VPS13C: variants seen among roughly 807,000 people sequenced by gnomAD.
The protein encoded by VPS13C is vacuolar protein sorting 13 homolog C.
VPS13C carries 358 observed loss-of-function variants against 456.8 expected under a neutral mutation model. That is an observed-to-expected ratio of 0.78 (90% CI 0.72 to 0.86). The LOEUF (loss-of-function observed/expected upper bound fraction) is 0.86, where lower values mean the gene tolerates loss of function less well. Among genes scored for constraint, VPS13C ranks in the 40% least tolerant of loss-of-function variants. The pLI, the probability that VPS13C is intolerant of heterozygous loss-of-function variation, is 0.00. For synonymous variants in VPS13C, 1,578 were observed against 1,486.7 expected, an observed-to-expected ratio of 1.06 and a Z score of -1.41; for missense variants, 4,818 against 4,385.4, an observed-to-expected ratio of 1.10 and a Z score of -2.79.
intron 53 of VPS13C, among the ~76,000 whole-genome samples, chr15:61,923,768 C>A (rs547864361): frequency 6.7e-6 from 1 of 149,090 alleles, no homozygotes; most frequent in East Asian, 2.0e-4. Context: ...ACTTTTTTTC[C>A]GTGTCTTATT....
At chr15:61,913,451 C>G in intron 61 of VPS13C, 36 bp from the exon 62 acceptor site, 1 of 1,533,736 alleles carries the variant, frequency 6.5e-7, no homozygotes, top group Non-Finnish European at 9.0e-7. Context: ...TATAAGAAAT[C>G]TAAAACACTA....
At chr15:61,965,598 C>T (rs1358349950) in intron 30 of VPS13C, among the ~76,000 whole-genome samples, 2 of 151,852 alleles carry the variant, frequency 1.3e-5, no homozygotes, top group Non-Finnish European at 1.5e-5. Context: ...CAGATTTCCC[C>T]ATCTCTCAAA....
At position 61,979,229 on chromosome 15, in the gene VPS13C, T is replaced by C. The variant is rs545690147; in HGVS notation, c.2167-480A>G. ...GGAAGCAAGGATCAATTCAGGAGTA[T>C]ACAAGGGATCTTCAAAAAGTTGATG... is the stretch of plus-strand genomic sequence containing the variant. On this transcript the variant is annotated intron_variant, in intron 22 of 84. Transcript: ENST00000644861. Among the ~76,000 whole-genome samples, 5 of 152,348 alleles carry C rather than the reference T, an allele frequency of 3.3e-5. No individual in the cohort carries two copies. In the South Asian group the frequency reaches 6.2e-4, roughly 19 times the overall value.
chr15:61,909,285 G>T (rs1013841013), intron 64 of VPS13C, among the ~76,000 whole-genome samples, 160 bp from the exon 65 acceptor site: 1 of 152,142 alleles, frequency 6.6e-6, no homozygotes, highest in Non-Finnish European at 1.5e-5. Flanking sequence ...TCGGGTTACT[G>T]CAACCTCCAT....
intron 42 of VPS13C, among the ~76,000 whole-genome samples, 170 bp from the exon 43 acceptor site, chr15:61,947,479 C>T (rs1405668860): frequency 6.6e-6 from 1 of 152,132 alleles, no homozygotes; most frequent in East Asian, 1.9e-4. Context: ...TATCAAATTC[C>T]AATCTACAAA....
intron 67 of VPS13C, among the ~76,000 whole-genome samples, chr15:61,888,922 C>A (rs1291507187): frequency 1.3e-5 from 2 of 151,942 alleles, no homozygotes; most frequent in African/African-American, 2.4e-5. Context: ...AACAAATGTA[C>A]CACACTACTG....
rs1412348234 is a variant in VPS13C at position 62,020,416 on chromosome 15, C to G, written c.684+63G>C. 6.4e-6 allele frequency: 9 copies of G among 1,403,566 alleles called. No homozygotes were observed. The East Asian group carries it at 1.9e-4, about 30-fold the overall frequency. The allele number at this position is 1,403,566 out of a possible 1,614,324, so 86.9% of individuals were successfully genotyped here. A position where few individuals can be genotyped will look rare whatever the true frequency, so the allele number is the denominator to read the frequency against. On this transcript the variant is annotated intron_variant, in intron 9 of 84. Transcript: ENST00000644861. ...CGCATAGTTGATTCTAGACAATTTACCCTGTGACTTCAGAATAATACTTTA... is the reference window on the plus strand; with the variant it reads ...CGCATAGTTGATTCTAGACAATTTAGCCTGTGACTTCAGAATAATACTTTA...
intron 13 of VPS13C, among the ~76,000 whole-genome samples, chr15:62,009,711 C>T (rs1427187022): frequency 6.6e-6 from 1 of 152,154 alleles, no homozygotes; most frequent in African/African-American, 2.4e-5. Context: ...TTAGCTAAAT[C>T]TCCTGTCCTC....
At chr15:61,856,510 G>C in intron 82 of VPS13C, 101 bp from the exon 83 acceptor site, 1 of 1,383,554 alleles carries the variant, frequency 7.2e-7, no homozygotes, top group Non-Finnish European at 9.8e-7. Flanking sequence ...CACTTGCTTA[G>C]TAAACAATAT....
Position 61,907,381 on chromosome 15 carries a change from T to A in VPS13C, c.8988A>T (p.Pro2996=), listed in dbSNP as rs9920256. 0.031 allele frequency: 49,603 copies of A among 1,613,738 alleles called. 1,259 individuals carry two copies. The highest frequency in any genetic ancestry group is 0.12 in the African/African-American group (8,943 of 75,018). ...DILTYKQSGS[P]EEMVLLPRQA... is the part of the protein sequence containing the mutation. ...GTCTTGGCAGCAAGACCATTTCTTC[T>A]GGTGACCCACTAAAACACAATGAAC... The change falls in exon 66 of 85, where the codon CCA becomes CCT. Residue 2996 remains proline, a synonymous_variant. Coordinates refer to ENST00000644861, the MANE Select transcript of VPS13C (RefSeq NM_020821.3).
At position 61,992,498 on chromosome 15, in the gene VPS13C, C is replaced by T. The variant is rs539498652; in HGVS notation, c.1354-696G>A. Among the ~76,000 whole-genome samples the T allele has an allele frequency of 6.2e-4, 95 of 152,066 alleles. 1 individual carries two copies. The highest frequency in any genetic ancestry group is 3.4e-3 in the Middle Eastern group (1 of 294). The stretch of plus-strand genomic sequence containing the variant: ...AAAGTATTTGAAATTGGTAGTGAAT[C>T]GGTAACATATTGTAAGCCTCTGTGT... On this transcript the variant is annotated intron_variant, in intron 16 of 84. Transcript: ENST00000644861.
At chr15:61,962,648 G>T in intron 33 of VPS13C, 101 bp downstream of exon 33, 1 of 1,310,786 alleles carries the variant, frequency 7.6e-7, no homozygotes, top group Non-Finnish European at 1.0e-6. Context: ...TTTTTCTATT[G>T]AAATATATTT....
chr15:61,979,927 T>A (rs2045823193), intron 22 of VPS13C, among the ~76,000 whole-genome samples: 2 of 152,054 alleles, frequency 1.3e-5, no homozygotes, highest in Non-Finnish European at 2.9e-5. Context: ...CTCACGTCTG[T>A]AATCCCAGCA....
At chr15:62,036,267 C>T (rs1315017892) in intron 3 of VPS13C, among the ~76,000 whole-genome samples, 1 of 151,942 alleles carries the variant, frequency 6.6e-6, no homozygotes, top group African/African-American at 2.4e-5. Flanking sequence ...ACCAGAATCA[C>T]TGGTGGTTTT....
intron 77 of VPS13C, 62 bp downstream of exon 77, chr15:61,874,814 C>T: frequency 7.1e-7 from 1 of 1,401,722 alleles, no homozygotes. Flanking sequence ...TTTTTCATAA[C>T]AACGTATTTC....
chr15:61,854,442 C>T lies in VPS13C; in HGVS notation c.*15G>A. 1.2e-6 allele frequency: 2 copies of T among 1,609,538 alleles called. No homozygotes were observed. The highest frequency in any genetic ancestry group is 1.7e-6 in the Non-Finnish European group (2 of 1,175,892). ...GATTGTTTTTTCTCCCTGTTGGAGC[C>T]CCTGAGGTCTGTGATTAAGATGGCA... On this transcript the variant is annotated 3_prime_UTR_variant, in exon 85 of 85. Transcript: ENST00000644861.
At chr15:62,050,296 T>C (rs1211388158) in intron 1 of VPS13C, among the ~76,000 whole-genome samples, 1 of 152,138 alleles carries the variant, frequency 6.6e-6, no homozygotes, top group East Asian at 1.9e-4. Context: ...AGGTGACAGA[T>C]AAGGAAATTC....
In VPS13C at chr15:61,962,456, T is replaced by A. The variant is rs377397916; in HGVS notation, c.3518A>T (p.Asp1173Val). ...PDATEGDLYT[D>V]MSKVDGVLSL... ...CAGCACACCATCCACTTTGGACATGTCAGTATACAAATCCCCCTCAGTAGC... is the reference window on the plus strand; with the variant it reads ...CAGCACACCATCCACTTTGGACATGACAGTATACAAATCCCCCTCAGTAGC... The change falls in exon 34 of 85, where the codon GAC becomes GTC. Residue 1173 changes from aspartate to valine, a missense_variant. This residue lies in a region of VPS13C where 4,552 missense variants were observed against 4,130.6 expected (regional missense o/e 1.10). Coordinates refer to ENST00000644861, the MANE Select transcript of VPS13C (RefSeq NM_020821.3). The A allele has an allele frequency of 2.2e-5, 36 of 1,612,276 alleles. No homozygotes were observed. In the African/African-American group the frequency reaches 4.8e-4, roughly 21 times the overall value.
In VPS13C at chr15:61,918,200, G is replaced by C. The variant is rs1036466971; in HGVS notation, c.7696C>G (p.Leu2566Val). 1 of 1,597,556 alleles carries C rather than the reference G, an allele frequency of 6.3e-7. No homozygotes were observed. Among genetic ancestry groups the C allele is most frequent in the Admixed American group, 1.8e-5 (1 of 56,788 alleles). Residue 2566 changes from leucine to valine, a missense_variant, in exon 59 of 85, where the codon CTA becomes GTA. Transcript: ENST00000644861. The part of the protein sequence containing the change: ...IIYKFVKNVK[L>V]LERIGIARPE... Reference sequence around the variant, plus strand: ...CTGGCTATCCCAATGCGCTCCAATAGCTTAACATTCTTAACAAATTTATAG... The same window carrying C: ...CTGGCTATCCCAATGCGCTCCAATACCTTAACATTCTTAACAAATTTATAG...
Sources: allele counts gnomAD v4.1 joint callset (sites outside exome capture counted in the v4.1 genomes callset), GRCh38; gene constraint gnomAD v4.1.1; regional missense constraint gnomAD v4.1.1; transcripts MANE v1.5; gene names NCBI Gene and HGNC (gene_info 2026-07-23, HGNC 2026-07-21).